The following LETMD1 variants were observed in gnomAD, a reference collection of about 807,000 sequenced individuals.
LETMD1 encodes the protein LETM1 domain-containing protein 1.
A neutral mutation model predicts 43.9 loss-of-function variants in LETMD1; 30 were observed. The observed-to-expected ratio is 0.68, with a 90% CI of 0.51 to 0.93. The LOEUF (loss-of-function observed/expected upper bound fraction) is 0.93. LETMD1 is among the 40% of genes least tolerant of loss of function. The pLI, the probability that LETMD1 is intolerant of heterozygous loss-of-function variation, is 0.00. For synonymous variants in LETMD1, 176 were observed against 163.1 expected (o/e 1.08, Z -0.60); for missense variants, 413 against 447.7 (o/e 0.92, Z 0.70).
At chr12:51,050,808 G>A (rs987366674) in intron 2 of LETMD1, among the ~76,000 whole-genome samples, 7 of 150,398 alleles carry the variant, frequency 4.7e-5, no homozygotes, top group East Asian at 2.0e-4. Flanking sequence ...GAGGTCGGGC[G>A]TTTGAGACCA....
the LETMD1 span, among the ~76,000 whole-genome samples, chr12:51,068,344 G>A: frequency 6.6e-6 from 1 of 152,058 alleles, no homozygotes; most frequent in African/African-American, 2.4e-5. Flanking sequence ...TAAAGACAGG[G>A]TTTCACTGTG....
chr12:51,048,952 C>T, intron 1 of LETMD1, 82 bp from the exon 2 acceptor site: 1 of 1,313,562 alleles, frequency 7.6e-7, no homozygotes, highest in Non-Finnish European at 1.1e-6. Flanking sequence ...ATCTCCGAGA[C>T]TCCTGCTTTA....
intron 2 of LETMD1, among the ~76,000 whole-genome samples, chr12:51,050,232 AT>A (rs35466308): frequency 1.5e-3 from 215 of 145,102 alleles, no homozygotes; most frequent in East Asian, 4.8e-3. Flanking sequence ...TTTATTATGA[AT>A]TTTTTTTTTT....
In LETMD1 at chr12:51,053,784, C is replaced by G; in HGVS notation, c.397C>G (p.Gln133Glu). Residue 133 changes from glutamine (Q) to glutamate (E), a missense_variant, in exon 4 of 9, where the codon CAA becomes GAA. Gln to Glu is a conservative substitution (Grantham distance 29, BLOSUM62 2). Transcript: ENST00000262055. ...REMEHLRQFR[Q>E]DVTKCLFLGI... The stretch of plus-strand genomic sequence containing the variant: ...TGTGTTTATTTCTGCTTAGTTCCGC[C>G]AAGACGTCACCAAGTGTCTTTTCCT... The G allele has an allele frequency of 6.2e-7, 1 of 1,610,664 alleles. No homozygotes were observed. The highest frequency in any genetic ancestry group is 8.5e-7 in the Non-Finnish European group (1 of 1,178,542).
At chr12:51,055,049 G>A (rs1169755727) in intron 4 of LETMD1, among the ~76,000 whole-genome samples, 5 of 151,996 alleles carry the variant, frequency 3.3e-5, no homozygotes, top group Middle Eastern at 3.2e-3. Flanking sequence ...GCAGTGAGCC[G>A]AGATCGCGCC....
chr12:51,067,897 T>C, the LETMD1 span: 11 of 1,614,046 alleles, frequency 6.8e-6, no homozygotes, highest in African/African-American at 1.3e-5. This position sits in a 1 kb window ranked among gnomAD's most constrained non-coding sequence, Gnocchi z 4.1. Context: ...TCCACATCAA[T>C]ATCTTCATCT....
the LETMD1 span, chr12:51,067,823 C>T: frequency 6.2e-7 from 1 of 1,614,246 alleles, no homozygotes; most frequent in Non-Finnish European, 8.5e-7. The surrounding 1 kb of genome is among the most constrained non-coding windows in gnomAD (Gnocchi z 4.1). Flanking sequence ...AAGCCCTCAG[C>T]AGGGCCCGTC....
In LETMD1 at chr12:51,059,584, T is replaced by C. The variant is rs111662542; in HGVS notation, c.*153T>C. On this transcript the variant is annotated 3_prime_UTR_variant, in exon 9 of 9. Transcript: ENST00000262055. ...CATGGGCTTCACAGCATGGCACACA[T>C]GTGGGAACTGCAGACATTCCTCTCA... 2.3e-4 allele frequency: 153 copies of C among 671,560 alleles called. No homozygotes were observed. In the African/African-American group the frequency reaches 2.4e-3, roughly 10 times the overall value. 41.6% of individuals were successfully genotyped at this position (671,560 alleles called of 1,614,324 possible).
In LETMD1 at chr12:51,048,362, G is replaced by A. The variant is rs1306074673; in HGVS notation, c.6G>A (p.Ala2=). The A allele has an allele frequency of 6.2e-7, 1 of 1,613,946 alleles. No homozygotes were observed. The highest frequency in any genetic ancestry group is 2.2e-5 in the East Asian group (1 of 44,888). The part of the protein sequence containing the change: M[A]LSRVCWARSA... Reference sequence around the variant, plus strand: ...CCGCTTCTCTCGCTGTGAAGATGGCGCTCTCCAGGGTGTGCTGGGCTCGGT... The same window carrying A: ...CCGCTTCTCTCGCTGTGAAGATGGCACTCTCCAGGGTGTGCTGGGCTCGGT... Residue 2 remains alanine (A), a synonymous_variant, in exon 1 of 9, where the codon GCG becomes GCA. Transcript: ENST00000262055.
intron 3 of LETMD1, 45 bp from the exon 4 acceptor site, chr12:51,053,730 TAAC>T (rs2136627604): frequency 1.5e-6 from 2 of 1,317,632 alleles, no homozygotes; most frequent in South Asian, 1.2e-5. Context: ...TCTATTGTAT[TAAC>T]AACTTATTTG....
chr12:51,055,440 A>G (rs1184185080), intron 4 of LETMD1, among the ~76,000 whole-genome samples: 2 of 151,930 alleles, frequency 1.3e-5, no homozygotes, highest in African/African-American at 4.8e-5. Flanking sequence ...TGAAGCAGGA[A>G]GATTGCTTGA....
Position 51,059,313 on chromosome 12 carries a change from G to C in LETMD1, c.1013-48G>C, listed in dbSNP as rs113907739. 1.4e-5 allele frequency: 22 copies of C among 1,540,446 alleles called. No individual in the cohort carries two copies. In the African/African-American group the frequency reaches 1.5e-4, roughly 10 times the overall value. On this transcript the variant is annotated intron_variant, in intron 8 of 8. Transcript: ENST00000262055. ...GGCTTAAGCCATATATAACAAGGCA[G>C]TTATAAGGCAGTGTTCCCAAGCCAA...
At chr12:51,054,930 C>G (rs1303020897) in intron 4 of LETMD1, among the ~76,000 whole-genome samples, 1 of 152,146 alleles carries the variant, frequency 6.6e-6, no homozygotes, top group Admixed American at 6.5e-5. Context: ...GAAACCCTGT[C>G]TCTACTAAAA....
the LETMD1 span, among the ~76,000 whole-genome samples, chr12:51,066,212 T>A: frequency 2.0e-5 from 3 of 151,940 alleles, no homozygotes. Context: ...CCCAGCACTT[T>A]GGGAGGCTGA....
At chr12:51,049,426 G>A (rs953731741) in intron 2 of LETMD1, 2 of 417,430 alleles carry the variant, frequency 4.8e-6, no homozygotes, top group Non-Finnish European at 4.3e-6. Flanking sequence ...ATATAGGTAT[G>A]TTCTCGTACT....
chr12:51,056,107 C>T (rs1266373985), intron 5 of LETMD1, 37 bp from the exon 6 acceptor site: 1 of 1,606,044 alleles, frequency 6.2e-7, no homozygotes, highest in African/African-American at 1.3e-5. Context: ...GTAGTCAGGA[C>T]TTTCCTAACA....
chr12:51,067,553 G>A, the LETMD1 span: 1 of 912,990 alleles, frequency 1.1e-6, no homozygotes, highest in Non-Finnish European at 1.7e-6. This position sits in a 1 kb window ranked among gnomAD's most constrained non-coding sequence, Gnocchi z 4.1. Context: ...TGTGGAACTG[G>A]AGAGTGTTCA....
intron 8 of LETMD1, chr12:51,058,372 A>G: frequency 3.9e-6 from 2 of 510,178 alleles, no homozygotes; most frequent in Admixed American, 3.4e-5. Flanking sequence ...GAATTTTCCA[A>G]CCTTGGCACT....
chr12:51,066,569 A>G, the LETMD1 span, among the ~76,000 whole-genome samples: 1 of 150,024 alleles, frequency 6.7e-6, no homozygotes, highest in Non-Finnish European at 1.5e-5. Flanking sequence ...TGAACCCAGG[A>G]GGTGGAGGTA....
Sources: gnomAD v4.1 joint callset for allele counts (sites outside exome capture counted in the v4.1 genomes callset) on GRCh38, gnomAD v4.1.1 for gene constraint, Gnocchi (gnomAD v3.1) non-coding constraint, MANE v1.5 for transcripts, NCBI Gene and HGNC (gene_info 2026-07-23, HGNC 2026-07-21) for gene names.